PCDHGB1: variants seen among roughly 807,000 people sequenced by gnomAD.
PCDHGB1 encodes the protein protocadherin gamma subfamily B, 1.
PCDHGB1 carries 34 observed loss-of-function variants against 56.6 expected under a neutral mutation model. That is an observed-to-expected ratio of 0.60 (90% CI 0.46 to 0.80). PCDHGB1 has a LOEUF of 0.80. Ranked by LOEUF, PCDHGB1 falls within the 30% of genes least tolerant of loss-of-function variation. The probability of loss-of-function intolerance (pLI) is 0.00; values close to 1 mark genes in which losing one functional copy is unlikely to be tolerated. For synonymous variants in PCDHGB1, 561 were observed against 505.9 expected (o/e 1.11, Z -1.46); for missense variants, 1,278 against 1,204.6 (o/e 1.06, Z -0.90).
intron 1 of PCDHGB1, among the ~76,000 whole-genome samples, chr5:141,458,412 G>A (rs2098945236): frequency 6.6e-6 from 1 of 152,034 alleles, no homozygotes; most frequent in Non-Finnish European, 1.5e-5. Context: ...ACGGAGCGGG[G>A]GTTCCAAAGC....
intron 1 of PCDHGB1, chr5:141,360,820 C>T: frequency 6.2e-7 from 1 of 1,613,944 alleles, no homozygotes; most frequent in Middle Eastern, 1.6e-4. Context: ...GACCCAAATC[C>T]GAATCAAAGT....
intron 1 of PCDHGB1, chr5:141,394,701 C>A (rs375281416): frequency 5.0e-6 from 8 of 1,613,162 alleles, no homozygotes; most frequent in Non-Finnish European, 6.8e-6. Flanking sequence ...GCGCACGGCG[C>A]GAGCCCTGCT....
chr5:141,455,855 C>A (rs1267803457), intron 1 of PCDHGB1, among the ~76,000 whole-genome samples: 4 of 147,088 alleles, frequency 2.7e-5, no homozygotes, highest in African/African-American at 1.0e-4. Flanking sequence ...AAAATAATTT[C>A]TTTTATTATT....
intron 1 of PCDHGB1, chr5:141,364,735 T>G (rs1763510715): frequency 1.2e-6 from 2 of 1,613,916 alleles, no homozygotes; most frequent in Non-Finnish European, 1.7e-6. Context: ...GTTTCCGGGA[T>G]GAAGAGTTAA....
At chr5:141,415,709 C>A in intron 1 of PCDHGB1, 1 of 1,092,276 alleles carries the variant, frequency 9.2e-7, no homozygotes, top group Non-Finnish European at 1.3e-6. Context: ...AATGCTAAAA[C>A]ACTGATGAGT....
rs758216831 is a variant in PCDHGB1 at position 141,351,578 on chromosome 5, G to T, written c.1318G>T (p.Asp440Tyr). Residue 440 changes from aspartate to tyrosine, a missense_variant, in exon 1 of 4, where the codon GAC becomes TAC. By Grantham distance (160) the Asp-to-Tyr change is radical (BLOSUM62 -3). Coordinates refer to ENST00000523390, the MANE Select transcript of PCDHGB1 (RefSeq NM_018922.3). ...SRTSITLHIS[D>Y]INDNAPVFHQ... ...GACAAGCATCACCCTGCACATCTCC[G>T]ACATCAACGACAATGCACCTGTTTT... The T allele has an allele frequency of 7.4e-6, 12 of 1,613,878 alleles. No individual in the cohort carries two copies. The highest frequency in any genetic ancestry group is 1.0e-5 in the Non-Finnish European group (12 of 1,179,894).
chr5:141,502,884 A>T (rs2099816871), intron 2 of PCDHGB1, among the ~76,000 whole-genome samples: 1 of 36,804 alleles, frequency 2.7e-5, no homozygotes, highest in African/African-American at 3.5e-4. Context: ...TTTTTTTGAC[A>T]GGGAGTCTAG....
At chr5:141,386,849 C>G (rs1259863561) in intron 1 of PCDHGB1, among the ~76,000 whole-genome samples, 1 of 152,200 alleles carries the variant, frequency 6.6e-6, no homozygotes, top group Non-Finnish European at 1.5e-5. Context: ...AATCACTAAA[C>G]TCAGTGAGCT....
At chr5:141,453,351 C>A (rs1210851703) in intron 1 of PCDHGB1, among the ~76,000 whole-genome samples, 2 of 151,738 alleles carry the variant, frequency 1.3e-5, no homozygotes, top group Non-Finnish European at 2.9e-5. Flanking sequence ...CCAGGCTGAC[C>A]CTGAACTCCT....
chr5:141,375,842 C>T, intron 1 of PCDHGB1: 2 of 1,614,122 alleles, frequency 1.2e-6, no homozygotes, highest in East Asian at 4.5e-5. Flanking sequence ...GCCCGGCTAC[C>T]TGGTGACCAA....
At chr5:141,488,159 C>T (rs888153570) in intron 1 of PCDHGB1, among the ~76,000 whole-genome samples, 1 of 152,126 alleles carries the variant, frequency 6.6e-6, no homozygotes, top group Non-Finnish European at 1.5e-5. Flanking sequence ...GAGAGGCACG[C>T]ATCAGAGTGG....
chr5:141,413,081 C>A, intron 1 of PCDHGB1: 2 of 1,339,424 alleles, frequency 1.5e-6, no homozygotes, highest in Non-Finnish European at 2.0e-6. Context: ...GCCCAGGCTA[C>A]AGAGACACCC....
rs570379716 is a variant in PCDHGB1 at position 141,452,090 on chromosome 5, G to A, written c.2410-42717G>A. Among the ~76,000 whole-genome samples, 3 of 152,256 alleles carry A rather than the reference G, an allele frequency of 2.0e-5. No individual in the cohort carries two copies. The South Asian group carries it at 6.2e-4, about 32-fold the overall frequency. On this transcript the variant is annotated intron_variant, in intron 1 of 3. Coordinates refer to ENST00000523390, the MANE Select transcript of PCDHGB1 (RefSeq NM_018922.3). The stretch of plus-strand genomic sequence containing the variant: ...TTTATTAGTTGGCATTATACAGTAA[G>A]AAAGAGCTTTCTTTTCTCTTCTTAT...
rs2099883850 is a variant in PCDHGB1, at chr5:141,511,565, A to T, written c.*392A>T. The T allele has an allele frequency of 3.4e-6, 1 of 295,974 alleles. No homozygotes were observed. Among genetic ancestry groups the T allele is most frequent in the African/African-American group, 2.2e-5 (1 of 46,502 alleles). The allele number at this position is 295,974 out of a possible 1,614,324, so 18.3% of individuals were successfully genotyped here. The stretch of plus-strand genomic sequence containing the variant: ...CCACTCCAACAGTTCCTCTTTCCCG[A>T]GTAAGGTGGTTGGGGTGTTGAAGTA... On this transcript the variant is annotated 3_prime_UTR_variant, in exon 4 of 4. Coordinates refer to ENST00000523390, the MANE Select transcript of PCDHGB1 (RefSeq NM_018922.3).
intron 1 of PCDHGB1, chr5:141,426,791 C>T (rs2096960403): frequency 2.2e-6 from 1 of 456,574 alleles, no homozygotes; most frequent in Non-Finnish European, 4.4e-6. Context: ...TCCAGAGTTA[C>T]CAGCTCAGTT....
rs756604175 is a variant in PCDHGB1 at position 141,375,747 on chromosome 5, A to C, written c.2409+23078A>C. 30 of 1,614,128 alleles carry C rather than the reference A, an allele frequency of 1.9e-5. No homozygotes were observed. The Admixed American group carries it at 5.0e-4, about 27-fold the overall frequency. ...TCACTGAGCCTGTTTGTGCTGGACC[A>C]GAATGACAATGCGCCCGAGATCCTG... is the stretch of plus-strand genomic sequence containing the variant. On this transcript the variant is annotated intron_variant, in intron 1 of 3. Transcript: ENST00000523390.
Position 141,491,842 on chromosome 5 carries a change from T to C in PCDHGB1, c.2410-2965T>C, listed in dbSNP as rs551615550. The C allele has an allele frequency of 7.5e-6, 11 of 1,464,162 alleles. No homozygotes were observed. In the South Asian group the frequency reaches 1.3e-4, roughly 17 times the overall value. 90.7% of individuals were successfully genotyped at this position (1,464,162 alleles called of 1,614,324 possible). ...GCGCTCCACCCGATTCTCGGGATCA[T>C]TGGACCGTTTGCGCGAAACCAGAGT... On this transcript the variant is annotated intron_variant, in intron 1 of 3. Transcript: ENST00000523390. The surrounding 1 kb of genome is among the most constrained non-coding windows in gnomAD (Gnocchi z 6.9).
chr5:141,428,381 C>T, intron 1 of PCDHGB1: 1 of 516,406 alleles, frequency 1.9e-6, no homozygotes, highest in Non-Finnish European at 3.6e-6. Context: ...CTGCGATGCT[C>T]TTCCAGCCCC....
intron 1 of PCDHGB1, chr5:141,384,066 C>T (rs754340033): frequency 1.6e-5 from 25 of 1,606,462 alleles, no homozygotes; most frequent in Non-Finnish European, 2.0e-5. Context: ...TTCCAGAAAA[C>T]CTACCTTTTA....
Sources: gnomAD v4.1 joint callset for allele counts (sites outside exome capture counted in the v4.1 genomes callset) on GRCh38, gnomAD v4.1.1 for gene constraint, Gnocchi (gnomAD v3.1) non-coding constraint, MANE v1.5 for transcripts, NCBI Gene and HGNC (gene_info 2026-07-23, HGNC 2026-07-21) for gene names.